Variants in DNAH8 observed in about 807,000 individuals in gnomAD.
DNAH8 encodes dynein axonemal heavy chain 8.
DNAH8 carries 382 observed loss-of-function variants against 562.1 expected under a neutral mutation model. That is an observed-to-expected ratio of 0.68 (90% CI 0.63 to 0.74). The LOEUF (loss-of-function observed/expected upper bound fraction) is 0.74. DNAH8 is among the 30% of genes least tolerant of loss of function. The probability of loss-of-function intolerance (pLI) is 0.00; values close to 1 mark genes in which losing one functional copy is unlikely to be tolerated. For missense variants in DNAH8, 5,203 were observed against 5,620.4 expected, an observed-to-expected ratio of 0.93 and a Z score of 2.37; for synonymous variants, 1,881 against 1,919.4, an observed-to-expected ratio of 0.98 and a Z score of 0.52.
intron 5 of DNAH8, among the ~76,000 whole-genome samples, 197 bp downstream of exon 5, chr6:38,734,822 C>T (rs1342515030): frequency 6.6e-6 from 1 of 152,100 alleles, no homozygotes; most frequent in Non-Finnish European, 1.5e-5. Flanking sequence ...TTAGATACTG[C>T]TTTCAATTTC....
chr6:38,944,907 C>G (rs866133751), intron 79 of DNAH8, among the ~76,000 whole-genome samples: 9 of 151,940 alleles, frequency 5.9e-5, no homozygotes, highest in Non-Finnish European at 1.3e-4. Flanking sequence ...TTTATTCCCC[C>G]CCTCTTTTTA....
At position 38,803,251 on chromosome 6, in the gene DNAH8, A is replaced by G; in HGVS notation, c.2974A>G (p.Ile992Val). 3 of 1,610,076 alleles carry G rather than the reference A, an allele frequency of 1.9e-6. No individual in the cohort carries two copies. Among genetic ancestry groups the G allele is most frequent in the South Asian group, 1.1e-5 (1 of 90,412 alleles). Residue 992 changes from isoleucine (I) to valine (V), a missense_variant, in exon 22 of 93, where the codon ATA (isoleucine) becomes GTA (valine). This residue lies in a region of DNAH8 where 2,176 missense variants were observed against 2,365.1 expected (regional missense o/e 0.92). Transcript: ENST00000327475. The part of the protein sequence containing the change: ...KHVEEAVREL[I>V]SIFEQIYEVK... ...TGTGGAAGAAGCTGTCAGAGAACTTATATCAATATTTGAGCAGATTTATGA... is the reference window on the plus strand; with the variant it reads ...TGTGGAAGAAGCTGTCAGAGAACTTGTATCAATATTTGAGCAGATTTATGA...
intron 11 of DNAH8, among the ~76,000 whole-genome samples, chr6:38,766,706 C>G (rs115719825): frequency 0.032 from 4,834 of 151,924 alleles, 235 homozygotes; most frequent in African/African-American, 0.1. Context: ...GTAATTCACA[C>G]CCCCCACCCC....
At chr6:39,006,702 A>G (rs553937766) in intron 88 of DNAH8, among the ~76,000 whole-genome samples, 5 of 152,322 alleles carry the variant, frequency 3.3e-5, no homozygotes, top group African/African-American at 1.2e-4. Flanking sequence ...AGCTTTTCCA[A>G]ATTGCACAGG....
intron 88 of DNAH8, among the ~76,000 whole-genome samples, chr6:38,994,435 C>T (rs1764995773): frequency 6.7e-6 from 1 of 150,184 alleles, no homozygotes; most frequent in Non-Finnish European, 1.5e-5. Flanking sequence ...GCTGTTGTTA[C>T]ATCTGGATTT....
intron 91 of DNAH8, among the ~76,000 whole-genome samples, chr6:39,018,125 G>T (rs1245738318): frequency 6.6e-6 from 1 of 152,172 alleles, no homozygotes; most frequent in Admixed American, 6.5e-5. Flanking sequence ...CCAAATCACA[G>T]AACTATAGAA....
rs547397657 is a variant in DNAH8, at chr6:38,873,455, T to C, written c.7620+79T>C. The C allele has an allele frequency of 1.1e-5, 14 of 1,311,818 alleles. 1 individual carries two copies. In the South Asian group the frequency reaches 2.1e-4, roughly 20 times the overall value. The allele number at this position is 1,311,818 out of a possible 1,614,324, so 81.3% of individuals were successfully genotyped here. Reference sequence around the variant, plus strand: ...AGTTGCAGTTTACAGCCATCTGAAATAGAAAGTTCAGACAGTCCATAAAAA... The same window carrying C: ...AGTTGCAGTTTACAGCCATCTGAAACAGAAAGTTCAGACAGTCCATAAAAA... On this transcript the variant is annotated intron_variant, in intron 52 of 92. Coordinates refer to ENST00000327475, the MANE Select transcript of DNAH8 (RefSeq NM_001206927.2).
chr6:38,947,070 C>A (rs1246372203), intron 80 of DNAH8, among the ~76,000 whole-genome samples: 1 of 152,158 alleles, frequency 6.6e-6, no homozygotes, highest in African/African-American at 2.4e-5. Flanking sequence ...GAGTTATTGA[C>A]CCTAATTTAT....
At chr6:38,899,115 G>C (rs889631669) in intron 61 of DNAH8, among the ~76,000 whole-genome samples, 5 of 152,020 alleles carry the variant, frequency 3.3e-5, no homozygotes, top group Non-Finnish European at 5.9e-5. Flanking sequence ...CTCCCTAATT[G>C]GTGACAATAA....
At chr6:38,839,411 G>C (rs928178089) in intron 33 of DNAH8, among the ~76,000 whole-genome samples, 2 of 151,272 alleles carry the variant, frequency 1.3e-5, no homozygotes, top group Non-Finnish European at 1.5e-5. Flanking sequence ...TCTGTTGCTA[G>C]TACTGGAGTG....
intron 91 of DNAH8, among the ~76,000 whole-genome samples, chr6:39,024,879 T>C (rs1383587818): frequency 6.6e-6 from 1 of 152,232 alleles, no homozygotes; most frequent in Non-Finnish European, 1.5e-5. Context: ...TCTATAAAAG[T>C]CCTTCACTCA....
intron 62 of DNAH8, among the ~76,000 whole-genome samples, chr6:38,902,748 A>C (rs1224852296): frequency 6.6e-6 from 1 of 152,224 alleles, no homozygotes; most frequent in East Asian, 1.9e-4. Context: ...AGGAAGACTC[A>C]GCAGGGACAG....
chr6:38,832,316 T>C lies in DNAH8; in HGVS notation c.4189-6T>C, dbSNP rs192327107. 8.3e-6 allele frequency: 13 copies of C among 1,570,776 alleles called. No homozygotes were observed. Among genetic ancestry groups the C allele is most frequent in the Non-Finnish European group, 8.7e-7 (1 of 1,143,248 alleles). On this transcript the variant is annotated splice_region_variant and splice_polypyrimidine_tract_variant and intron_variant, in intron 30 of 92. Coordinates refer to ENST00000327475, the MANE Select transcript of DNAH8 (RefSeq NM_001206927.2). The stretch of plus-strand genomic sequence containing the variant: ...CTCTCAGGTTGAATATTCTTTTTTA[T>C]TGTAGGTTTCAGTACAAGAGGACCT...
intron 91 of DNAH8, among the ~76,000 whole-genome samples, chr6:39,014,176 TTA>T (rs1460502424): frequency 6.6e-6 from 1 of 152,228 alleles, no homozygotes; most frequent in Non-Finnish European, 1.5e-5. Flanking sequence ...ACATATCAAA[TTA>T]TACATAGTAT....
intron 9 of DNAH8, among the ~76,000 whole-genome samples, chr6:38,753,530 G>A (rs1028529400): frequency 3.3e-5 from 5 of 152,284 alleles, no homozygotes; most frequent in South Asian, 2.1e-4. Context: ...GTTCACGTTT[G>A]TCAAATCTAA....
intron 24 of DNAH8, among the ~76,000 whole-genome samples, chr6:38,812,361 C>T (rs2150315076): frequency 6.6e-6 from 1 of 152,290 alleles, no homozygotes; most frequent in South Asian, 2.1e-4. Context: ...TATGAACTCA[C>T]TATGCTACAT....
rs747442455 is a variant in DNAH8 at position 38,853,308 on chromosome 6, A to G, written c.5694A>G (p.Gly1898=). ...RSAFYQISDS[G]FQLLPFLSHF... The stretch of plus-strand genomic sequence containing the variant: ...CTTTCTATCAAATCAGTGATTCAGG[A>G]TTTCAACTCTTACCATTCCTCAGCC... The change falls in exon 41 of 93, where the codon GGA becomes GGG. Residue 1898 remains glycine, a synonymous_variant. Transcript: ENST00000327475. 7 of 1,613,406 alleles carry G rather than the reference A, an allele frequency of 4.3e-6. No individual in the cohort carries two copies. Among genetic ancestry groups the G allele is most frequent in the African/African-American group, 2.7e-5 (2 of 74,864 alleles).
chr6:38,772,029 CTTTTTTT>C (rs34980133), intron 12 of DNAH8, among the ~76,000 whole-genome samples: 1 of 131,916 alleles, frequency 7.6e-6, no homozygotes. Context: ...TTTATGATTT[CTTTTTTT>C]TTTTTTTTTT....
At chr6:39,004,770 G>A (rs1765699884) in intron 88 of DNAH8, among the ~76,000 whole-genome samples, 1 of 152,166 alleles carries the variant, frequency 6.6e-6, no homozygotes, top group Non-Finnish European at 1.5e-5. Flanking sequence ...TTTTGCATAA[G>A]CAGAATTATA....
Sources: gnomAD v4.1 joint callset for allele counts (sites outside exome capture counted in the v4.1 genomes callset) on GRCh38, gnomAD v4.1.1 for gene constraint, gnomAD v4.1.1 regional missense constraint, MANE v1.5 for transcripts, NCBI Gene and HGNC (gene_info 2026-07-23, HGNC 2026-07-21) for gene names.